RBFOX1: variants seen among roughly 807,000 people sequenced by gnomAD.
RBFOX1 encodes the protein RNA binding protein fox-1 homolog 1.
Under a neutral mutation model 57.7 loss-of-function variants are expected in RBFOX1, and 8 were observed. The ratio of observed to expected loss-of-function variants is 0.14; its 90% CI spans 0.08 to 0.25. The LOEUF (loss-of-function observed/expected upper bound fraction) is 0.25. Ranked by LOEUF, RBFOX1 falls within the 10% of genes least tolerant of loss-of-function variation. The probability of loss-of-function intolerance (pLI) is 1.00; values close to 1 mark genes in which losing one functional copy is unlikely to be tolerated. For missense variants in RBFOX1, 611 were observed against 548.5 expected (o/e 1.11, Z -1.14); for synonymous variants, 326 against 222.4 (o/e 1.47, Z -4.15).
chr16:6,879,816 T>C (rs2062564356), intron 3 of RBFOX1, among the ~76,000 whole-genome samples: 1 of 152,212 alleles, frequency 6.6e-6, no homozygotes, highest in Non-Finnish European at 1.5e-5. Flanking sequence ...TGATGTTCTA[T>C]TTATGATGTT....
intron 4 of RBFOX1, among the ~76,000 whole-genome samples, chr16:7,425,151 GA>G (rs1331123036): frequency 6.6e-6 from 1 of 152,038 alleles, no homozygotes. Flanking sequence ...GACATTTAGA[GA>G]AAAAAATGTG....
chr16:5,731,548 G>A (rs1372517971), intron 3 of RBFOX1, among the ~76,000 whole-genome samples: 1 of 152,164 alleles, frequency 6.6e-6, no homozygotes, highest in Admixed American at 6.5e-5. Context: ...CCAAAGTAAA[G>A]GGGTAGAGGG....
At chr16:6,710,233 C>T (rs1467061277) in intron 3 of RBFOX1, among the ~76,000 whole-genome samples, 1 of 152,226 alleles carries the variant, frequency 6.6e-6, no homozygotes, top group South Asian at 2.1e-4. Flanking sequence ...TCCTTAACTT[C>T]TCAAAGCCAA....
chr16:5,920,860 C>T (rs975481681), intron 4 of RBFOX1, among the ~76,000 whole-genome samples: 2 of 152,176 alleles, frequency 1.3e-5, no homozygotes, highest in Non-Finnish European at 2.9e-5. Context: ...TCACAAGGAT[C>T]TTAAAGGAAA....
intron 3 of RBFOX1, among the ~76,000 whole-genome samples, chr16:6,977,542 C>G (rs74010412): frequency 1.3e-5 from 2 of 151,976 alleles, no homozygotes; most frequent in South Asian, 2.1e-4. Context: ...CACTGTAGTT[C>G]GAAGACCTCT....
chr16:6,344,361 C>T (rs2085001517), intron 2 of RBFOX1, among the ~76,000 whole-genome samples: 1 of 149,522 alleles, frequency 6.7e-6, no homozygotes, highest in African/African-American at 2.5e-5. Flanking sequence ...TGGTATTATA[C>T]AATTACACAA....
At chr16:6,391,801 G>C (rs1459355189) in intron 2 of RBFOX1, among the ~76,000 whole-genome samples, 1 of 152,138 alleles carries the variant, frequency 6.6e-6, no homozygotes, top group Non-Finnish European at 1.5e-5. Flanking sequence ...ATAACAAATA[G>C]GATACCCCTC....
At chr16:6,884,530 T>C (rs1467809418) in intron 3 of RBFOX1, among the ~76,000 whole-genome samples, 2 of 152,206 alleles carry the variant, frequency 1.3e-5, no homozygotes, top group Non-Finnish European at 2.9e-5. Flanking sequence ...ATGTTACATG[T>C]ACATCATCTG....
chr16:6,784,559 A>G (rs1247143040), intron 3 of RBFOX1, among the ~76,000 whole-genome samples: 11 of 152,254 alleles, frequency 7.2e-5, no homozygotes, highest in Admixed American at 6.5e-5. Context: ...CAAGACAACC[A>G]TTTTGAATTG....
At chr16:7,245,469 T>TGGGG (rs1392443816) in intron 4 of RBFOX1, among the ~76,000 whole-genome samples, 1 of 152,206 alleles carries the variant, frequency 6.6e-6, no homozygotes, top group Admixed American at 6.5e-5. Context: ...AAACCATACC[T>TGGGG]GGGGGTGTTA....
chr16:5,825,148 T>A (rs1311535715), intron 3 of RBFOX1, among the ~76,000 whole-genome samples: 1 of 152,248 alleles, frequency 6.6e-6, no homozygotes, highest in Non-Finnish European at 1.5e-5. Flanking sequence ...GGACCCTCGT[T>A]GCCCAGGTTT....
At chr16:5,679,579 C>T (rs1943566260) in intron 3 of RBFOX1, among the ~76,000 whole-genome samples, 1 of 152,278 alleles carries the variant, frequency 6.6e-6, no homozygotes, top group South Asian at 2.1e-4. Flanking sequence ...GTTCAACTCC[C>T]ACTTATGAGT....
chr16:6,352,709 T>C lies in RBFOX1; in HGVS notation c.-64+35652T>C, dbSNP rs140752098. ...TCCTGCGTGTTTGATACAAAGGGCATTTATCATATTGAAGCAGCTAAAACT... is the reference window on the plus strand; with the variant it reads ...TCCTGCGTGTTTGATACAAAGGGCACTTATCATATTGAAGCAGCTAAAACT... On this transcript the variant is annotated intron_variant, in intron 2 of 15. Transcript: ENST00000550418. Among the ~76,000 whole-genome samples the C allele has an allele frequency of 3.9e-3, 588 of 152,344 alleles. 7 individuals carry two copies. The highest frequency in any genetic ancestry group is 0.02 in the Middle Eastern group (6 of 294).
intron 3 of RBFOX1, among the ~76,000 whole-genome samples, chr16:5,678,443 A>C (rs190612852): frequency 6.6e-6 from 1 of 152,210 alleles, no homozygotes; most frequent in African/African-American, 2.4e-5. Context: ...AACCCTAATC[A>C]ATATAGAAAG....
chr16:6,416,756 C>G (rs1364845653), intron 2 of RBFOX1, among the ~76,000 whole-genome samples: 1 of 152,140 alleles, frequency 6.6e-6, no homozygotes, highest in African/African-American at 2.4e-5. Flanking sequence ...CAATACCATA[C>G]TAATAACATA....
At chr16:6,725,624 A>G (rs2067011980) in intron 3 of RBFOX1, among the ~76,000 whole-genome samples, 1 of 152,180 alleles carries the variant, frequency 6.6e-6, no homozygotes, top group East Asian at 1.9e-4. Flanking sequence ...TGCTATGCCT[A>G]TGGAGTAGTC....
intron 2 of RBFOX1, among the ~76,000 whole-genome samples, chr16:6,460,559 C>T (rs2094893980): frequency 6.6e-6 from 1 of 151,900 alleles, no homozygotes. Flanking sequence ...CCATCTCACA[C>T]CAGTCAGAAT....
At chr16:6,754,514 G>C (rs1414621913) in intron 3 of RBFOX1, among the ~76,000 whole-genome samples, 1 of 152,008 alleles carries the variant, frequency 6.6e-6, no homozygotes, top group Non-Finnish European at 1.5e-5. Flanking sequence ...AGCACTCTTC[G>C]GGTTCCCACT....
intron 4 of RBFOX1, among the ~76,000 whole-genome samples, chr16:7,307,645 C>A (rs184978372): frequency 3.9e-5 from 6 of 152,172 alleles, no homozygotes; most frequent in African/African-American, 1.2e-4. Context: ...CAGTTTAGAG[C>A]TGCAAGGTGG....
Sources: gnomAD v4.1 joint callset for allele counts (sites outside exome capture counted in the v4.1 genomes callset) on GRCh38, gnomAD v4.1.1 for gene constraint, MANE v1.5 for transcripts, NCBI Gene and HGNC (gene_info 2026-07-23, HGNC 2026-07-21) for gene names.